Variants in DMD observed in about 807,000 individuals in gnomAD.
DMD encodes the protein dystrophin, also known as mutant dystrophin.
DMD carries 63 observed loss-of-function variants against 330.1 expected under a neutral mutation model. The observed-to-expected ratio is 0.19, with a 90% confidence interval of 0.16 to 0.24. The LOEUF is 0.24. Among genes scored for constraint, DMD ranks in the 10% least tolerant of loss-of-function variants. The pLI is 1.00. For synonymous variants in DMD, 1,223 were observed against 959.8 expected (o/e 1.27, Z -5.07); for missense variants, 3,344 against 2,684.1 (o/e 1.25, Z -5.43).
intron 44 of DMD, among the ~76,000 whole-genome samples, chrX:32,121,182 C>G (rs1159798837): frequency 7.2e-5 from 8 of 111,435 alleles, no homozygotes; most frequent in Non-Finnish European, 1.5e-4. Context: ...TAGATACGTG[C>G]AATGCATTTG....
At chrX:33,159,588 A>G (rs182759577) in intron 1 of DMD, 1 of 111,708 alleles carries the variant, frequency 9.0e-6, no homozygotes, top group African/African-American at 3.3e-5. Context: ...TTCCAGCTTC[A>G]TCCATTTTCC....
At chrX:31,875,951 T>C (rs2093960983) in intron 47 of DMD, among the ~76,000 whole-genome samples, 1 of 112,588 alleles carries the variant, frequency 8.9e-6, no homozygotes, top group African/African-American at 3.2e-5. Context: ...TCATGGAAGA[T>C]TGTAAAAGGA....
At chrX:31,211,188 C>T (rs959388995) in intron 64 of DMD, among the ~76,000 whole-genome samples, 3 of 112,008 alleles carry the variant, frequency 2.7e-5, no homozygotes, top group East Asian at 2.8e-4. Context: ...GGCAGGAGGA[C>T]GGGAGGACGT....
intron 55 of DMD, among the ~76,000 whole-genome samples, chrX:31,571,165 T>C (rs1420207674): frequency 1.1e-4 from 12 of 111,220 alleles, no homozygotes; most frequent in Admixed American, 5.8e-4. Flanking sequence ...TAAAGTAGAA[T>C]GTCCCATCAG....
At chrX:32,009,335 G>A (rs2095687920) in intron 44 of DMD, among the ~76,000 whole-genome samples, 1 of 111,582 alleles carries the variant, frequency 9.0e-6, no homozygotes, top group African/African-American at 3.3e-5. Flanking sequence ...CAATCAGTGC[G>A]TTTTTCTGTA....
At chrX:32,076,808 G>A (rs1001879880) in intron 44 of DMD, among the ~76,000 whole-genome samples, 1 of 111,613 alleles carries the variant, frequency 9.0e-6, no homozygotes, top group Admixed American at 9.5e-5. Flanking sequence ...AGGGGCCTAG[G>A]AATCTGCATT....
At chrX:32,932,456 T>G (rs2146706932) in intron 2 of DMD, among the ~76,000 whole-genome samples, 1 of 112,156 alleles carries the variant, frequency 8.9e-6, no homozygotes, top group African/African-American at 3.2e-5. Flanking sequence ...AATTCACCAA[T>G]ACATTTTCCA....
rs2040732218 is a variant in DMD, at chrX:32,472,279, T to C, written c.2834A>G (p.Gln945Arg). The part of the protein sequence containing the change: ...IFDTLPPMRY[Q>R]ETMSAIRTWV... ...TGTCCTGATGGCACTCATGGTCTCC[T>C]GATAGCGCATTGGTGGCAAAGTGTC... Residue 945 changes from glutamine to arginine, a missense_variant, in exon 22 of 79, where the codon CAG becomes CGG. Gln to Arg is a conservative substitution (Grantham distance 43). Transcript: ENST00000357033. 2 of 1,211,147 alleles carry C rather than the reference T, an allele frequency of 1.7e-6. No individual in the cohort carries two copies. Among genetic ancestry groups the C allele is most frequent in the Non-Finnish European group, 2.2e-6 (2 of 895,173 alleles).
intron 1 of DMD, among the ~76,000 whole-genome samples, chrX:33,194,516 A>G (rs764447617): frequency 1.8e-5 from 2 of 111,754 alleles, no homozygotes; most frequent in Admixed American, 1.9e-4. Context: ...AAATTGTCAT[A>G]GATAAGAACA....
At chrX:32,758,226 G>A (rs1048825635) in intron 7 of DMD, among the ~76,000 whole-genome samples, 1 of 111,725 alleles carries the variant, frequency 9.0e-6, no homozygotes, top group East Asian at 2.8e-4. Context: ...AACTCAAACT[G>A]ACACTCTTGA....
chrX:31,967,355 T>C (rs1398382446), intron 45 of DMD, among the ~76,000 whole-genome samples: 1 of 92,320 alleles, frequency 1.1e-5, no homozygotes. Context: ...TGTGTGTGTG[T>C]TTAGGTCAAC....
At chrX:32,273,313 C>G (rs767439343) in intron 43 of DMD, among the ~76,000 whole-genome samples, 2 of 109,199 alleles carry the variant, frequency 1.8e-5, no homozygotes, top group South Asian at 7.9e-4. Flanking sequence ...AAACAGGAGC[C>G]GGGTGCAGTG....
At chrX:31,707,474 G>A (rs1293746244) in intron 52 of DMD, among the ~76,000 whole-genome samples, 2 of 110,709 alleles carry the variant, frequency 1.8e-5, no homozygotes, top group Non-Finnish European at 3.8e-5. Context: ...ACTAGAGGGA[G>A]GAGGGAGGGG....
chrX:31,627,766 A>G lies in DMD; in HGVS notation c.8124T>C (p.Ala2708=). 1.7e-6 allele frequency: 2 copies of G among 1,210,845 alleles called. No homozygotes were observed. The highest frequency in any genetic ancestry group is 2.2e-6 in the Non-Finnish European group (2 of 895,040). Residue 2708 remains alanine (A), a synonymous_variant, in exon 55 of 79, where the codon GCT becomes GCC. Coordinates refer to ENST00000357033, the MANE Select transcript of DMD (RefSeq NM_004006.3). The part of the protein sequence containing the change: ...LEKFLAWLTE[A]ETTANVLQDA... ...CCTGTAGGACATTGGCAGTTGTTTC[A>G]GCTTCTGTAAGCCAGGCAAGAAACT...
intron 1 of DMD, among the ~76,000 whole-genome samples, chrX:33,297,128 AAATT>A (rs777669849): frequency 9.0e-5 from 10 of 111,569 alleles, no homozygotes; most frequent in African/African-American, 3.2e-4. Context: ...AATTTAAACC[AAATT>A]AATAGTATAT....
chrX:32,129,726 A>AGG (rs5902018), intron 44 of DMD, among the ~76,000 whole-genome samples: 2 of 78,721 alleles, frequency 2.5e-5, no homozygotes, highest in Admixed American at 3.0e-4. Context: ...AGAGAGAGGG[A>AGG]GGGAGAGAGA....
rs185238836 is a variant in DMD, at chrX:31,650,343, G to A, written c.8027+7647C>T. On this transcript the variant is annotated intron_variant, in intron 54 of 78. Coordinates refer to ENST00000357033, the MANE Select transcript of DMD (RefSeq NM_004006.3). Reference sequence around the variant, plus strand: ...AGGTTGTATTTTAAACAAATATCCCGCTAGCATTCTATCATATTTTTGTAC... The same window carrying A: ...AGGTTGTATTTTAAACAAATATCCCACTAGCATTCTATCATATTTTTGTAC... Among the ~76,000 whole-genome samples, 8 of 110,273 alleles carry A rather than the reference G, an allele frequency of 7.3e-5. No individual in the cohort carries two copies. In the East Asian group the frequency reaches 1.1e-3, roughly 16 times the overall value.
intron 2 of DMD, among the ~76,000 whole-genome samples, chrX:33,009,102 GTA>G (rs72157249): frequency 0.033 from 219 of 6,635 alleles, 28 homozygotes; most frequent in East Asian, 0.15. Flanking sequence ...ACGTATATAT[GTA>G]TATATATGTG....
At chrX:32,406,574 G>A (rs1381927507) in intron 30 of DMD, among the ~76,000 whole-genome samples, 1 of 110,994 alleles carries the variant, frequency 9.0e-6, no homozygotes, top group Non-Finnish European at 1.9e-5. Context: ...TGCATATATT[G>A]AACCAGCCTT....
Sources: allele counts gnomAD v4.1 joint callset (sites outside exome capture counted in the v4.1 genomes callset), GRCh38; gene constraint gnomAD v4.1.1; transcripts MANE v1.5; gene names NCBI Gene and HGNC (gene_info 2026-07-23, HGNC 2026-07-21).